The following MBNL1 variants were observed in gnomAD, a reference collection of about 807,000 sequenced individuals.
MBNL1 encodes muscleblind-like protein 1.
MBNL1 carries 8 observed loss-of-function variants against 42.2 expected under a neutral mutation model. The observed-to-expected ratio is 0.19, with a 90% CI of 0.11 to 0.34. The LOEUF (loss-of-function observed/expected upper bound fraction) is 0.34, where lower values mean the gene tolerates loss of function less well. Among genes scored for constraint, MBNL1 ranks in the 10% least tolerant of loss-of-function variants. The pLI, the probability that MBNL1 is intolerant of heterozygous loss-of-function variation, is 1.00. For missense variants in MBNL1, 309 were observed against 495.3 expected, an observed-to-expected ratio of 0.62 and a Z score of 3.57; for synonymous variants, 169 against 173.9, an observed-to-expected ratio of 0.97 and a Z score of 0.22.
chr3:152,432,019 T>C (rs1044779914), intron 3 of MBNL1, among the ~76,000 whole-genome samples: 1 of 152,238 alleles, frequency 6.6e-6, no homozygotes, highest in East Asian at 1.9e-4. Flanking sequence ...AGCATTTCTT[T>C]AGTAGCAGTT....
intron 2 of MBNL1, among the ~76,000 whole-genome samples, chr3:152,385,049 A>G (rs1360556905): frequency 1.3e-5 from 2 of 152,080 alleles, no homozygotes; most frequent in East Asian, 3.8e-4. Flanking sequence ...GAGATTATAC[A>G]TCCCTAGTAG....
intron 2 of MBNL1, among the ~76,000 whole-genome samples, chr3:152,408,352 T>C (rs918619363): frequency 6.6e-6 from 1 of 152,056 alleles, no homozygotes; most frequent in East Asian, 1.9e-4. Context: ...AAAAAATGAA[T>C]GTAATGTATC....
intron 2 of MBNL1, among the ~76,000 whole-genome samples, chr3:152,341,977 CT>C (rs1337665711): frequency 3.3e-5 from 5 of 152,006 alleles, no homozygotes; most frequent in Non-Finnish European, 7.4e-5. Flanking sequence ...TATGGATTAC[CT>C]TTTACCTTCA....
chr3:152,355,717 A>G (rs2095467469), intron 2 of MBNL1, among the ~76,000 whole-genome samples: 1 of 152,222 alleles, frequency 6.6e-6, no homozygotes, highest in African/African-American at 2.4e-5. Context: ...CAAAATTTAG[A>G]TGATTATACT....
At chr3:152,342,553 A>AACACACACAC (rs111644138) in intron 2 of MBNL1, among the ~76,000 whole-genome samples, 9,074 of 145,978 alleles carry the variant, frequency 0.062, 352 homozygotes, top group South Asian at 0.11. Context: ...AACTAAACAA[A>AACACACACAC]ACACACACAC....
intron 8 of MBNL1, among the ~76,000 whole-genome samples, chr3:152,456,756 ATGAT>A (rs138994023): frequency 0.068 from 10,357 of 152,278 alleles, 452 homozygotes; most frequent in Middle Eastern, 0.16. Flanking sequence ...TCTTGCCTAA[ATGAT>A]TAATAGAAAG....
chr3:152,369,134 A>G (rs1029267152), intron 2 of MBNL1, among the ~76,000 whole-genome samples: 3 of 152,140 alleles, frequency 2.0e-5, no homozygotes, highest in African/African-American at 7.2e-5. Flanking sequence ...TCAGTATGAT[A>G]TTGGTTGTGG....
intron 2 of MBNL1, among the ~76,000 whole-genome samples, chr3:152,358,201 A>G (rs370250543): frequency 2.6e-5 from 4 of 152,232 alleles, no homozygotes; most frequent in African/African-American, 9.6e-5. Flanking sequence ...TTTAAGCTTA[A>G]AAGACAAATT....
In MBNL1 at chr3:152,254,872, T is replaced by C. The variant is rs183030002; in HGVS notation, n.333+10432T>C. Among the ~76,000 whole-genome samples the C allele has an allele frequency of 7.2e-5, 11 of 152,216 alleles. No individual in the cohort carries two copies. The East Asian group carries it at 1.9e-3, about 27-fold the overall frequency. ...GAAATAAGTACTATTATTTCCACTT[T>C]ACAGATTTAAGGAAAAATATAGAAG... On this transcript the variant is annotated intron_variant and non_coding_transcript_variant, in intron 2 of 2. Transcript: ENST00000477171.
intron 3 of MBNL1, 39 bp downstream of exon 3, chr3:152,415,150 T>C (rs771333051): frequency 1.1e-5 from 17 of 1,525,076 alleles, no homozygotes; most frequent in Middle Eastern, 3.5e-4. Context: ...AAGTTTTTGA[T>C]TCAAAGTGCT....
chr3:152,295,963 T>C (rs974950781), intron 1 of MBNL1, among the ~76,000 whole-genome samples: 2 of 152,206 alleles, frequency 1.3e-5, no homozygotes, highest in East Asian at 3.8e-4. Flanking sequence ...TTGTAAATCA[T>C]GTTACAGGTC....
At chr3:152,459,572 A>T (rs578153838) in intron 9 of MBNL1, among the ~76,000 whole-genome samples, 14 of 152,320 alleles carry the variant, frequency 9.2e-5, no homozygotes, top group African/African-American at 2.9e-4. Context: ...TAAATTTCTG[A>T]TTAGAGATAA....
chr3:152,291,383 G>T (rs948782612), intron 1 of MBNL1, among the ~76,000 whole-genome samples: 1 of 152,074 alleles, frequency 6.6e-6, no homozygotes, highest in Admixed American at 6.6e-5. Context: ...TCATAATCAA[G>T]GAGGTATTTA....
At chr3:152,378,325 C>T (rs1288473172) in intron 2 of MBNL1, among the ~76,000 whole-genome samples, 1 of 152,074 alleles carries the variant, frequency 6.6e-6, no homozygotes, top group African/African-American at 2.4e-5. Context: ...TAAAGCAAGA[C>T]TCTATGTCTA....
chr3:152,377,598 T>C (rs1304798169), intron 2 of MBNL1, among the ~76,000 whole-genome samples: 1 of 152,220 alleles, frequency 6.6e-6, no homozygotes, highest in East Asian at 1.9e-4. Flanking sequence ...CATTATGTGT[T>C]CAAAGGCAAA....
At chr3:152,332,160 T>TA (rs2085125411) in intron 2 of MBNL1, among the ~76,000 whole-genome samples, 1 of 152,200 alleles carries the variant, frequency 6.6e-6, no homozygotes, top group Admixed American at 6.5e-5. Context: ...GATGACTGGA[T>TA]AAAAGAGTCA....
intron 8 of MBNL1, among the ~76,000 whole-genome samples, chr3:152,456,943 G>A (rs547282313): frequency 2.0e-5 from 3 of 151,976 alleles, no homozygotes; most frequent in East Asian, 3.9e-4. Flanking sequence ...AATCCTAAGC[G>A]CTCTTATTTT....
At chr3:152,415,640 T>C (rs1177502876) in intron 3 of MBNL1, among the ~76,000 whole-genome samples, 1 of 152,222 alleles carries the variant, frequency 6.6e-6, no homozygotes, top group Non-Finnish European at 1.5e-5. Context: ...CTGACAGTAG[T>C]AAATCAATAT....
intron 2 of MBNL1, among the ~76,000 whole-genome samples, chr3:152,400,238 C>T (rs1463778352): frequency 6.6e-6 from 1 of 152,174 alleles, no homozygotes; most frequent in South Asian, 2.1e-4. Context: ...CCTAAACAAA[C>T]AGCAGCAGTC....
Sources: gnomAD v4.1 joint callset for allele counts (sites outside exome capture counted in the v4.1 genomes callset) on GRCh38, gnomAD v4.1.1 for gene constraint, MANE v1.5 for transcripts, NCBI Gene and HGNC (gene_info 2026-07-23, HGNC 2026-07-21) for gene names.